GALNT18: variants seen among roughly 807,000 people sequenced by gnomAD.
The protein encoded by GALNT18 is GalNAc-transferase 18.
A neutral mutation model predicts 69.5 loss-of-function variants in GALNT18; 44 were observed. That is an observed-to-expected ratio of 0.63 (90% CI 0.50 to 0.81). GALNT18 has a LOEUF of 0.81. GALNT18 is among the 40% of genes least tolerant of loss of function. The probability of loss-of-function intolerance (pLI) is 0.00; values close to 1 mark genes in which losing one functional copy is unlikely to be tolerated. For synonymous variants in GALNT18, 364 were observed against 318.2 expected, an observed-to-expected ratio of 1.14 and a Z score of -1.53; for missense variants, 715 against 810.0, an observed-to-expected ratio of 0.88 and a Z score of 1.42.
At chr11:11,506,629 G>A (rs1462813322) in intron 1 of GALNT18, among the ~76,000 whole-genome samples, 1 of 152,126 alleles carries the variant, frequency 6.6e-6, no homozygotes, top group African/African-American at 2.4e-5. Context: ...TAGAAAGTGG[G>A]GTATTTGTCT....
At chr11:11,375,457 G>C (rs1012586229) in intron 5 of GALNT18, among the ~76,000 whole-genome samples, 2 of 152,196 alleles carry the variant, frequency 1.3e-5, no homozygotes, top group African/African-American at 4.8e-5. Flanking sequence ...GTCTTCTGCA[G>C]GAATGCTCAT....
chr11:11,304,807 C>T (rs568185948), intron 9 of GALNT18, among the ~76,000 whole-genome samples: 73 of 152,344 alleles, frequency 4.8e-4, no homozygotes, highest in Admixed American at 8.5e-4. Flanking sequence ...CAGGAGCAAT[C>T]ATGTGATACA....
At position 11,584,081 on chromosome 11, in the gene GALNT18, A is replaced by C. The variant is rs1301915428; in HGVS notation, c.235+37278T>G. On this transcript the variant is annotated intron_variant, in intron 1 of 10. Coordinates refer to ENST00000227756, the MANE Select transcript of GALNT18 (RefSeq NM_198516.3). This position sits in a 1 kb window ranked among gnomAD's most constrained non-coding sequence, Gnocchi z 4.1. ...TAAGCTTTGAAAACTGTGGTCAAGC[A>C]GAAAAGAGATAAGAGGACATACGGA... Among the ~76,000 whole-genome samples, 1 of 152,096 alleles carries C rather than the reference A, an allele frequency of 6.6e-6. No individual in the cohort carries two copies. Among genetic ancestry groups the C allele is most frequent in the African/African-American group, 2.4e-5 (1 of 41,424 alleles).
rs1390300163 is a variant in GALNT18 at position 11,454,947 on chromosome 11, CATTAACAG to C, written c.236-6019_236-6012del. Among the ~76,000 whole-genome samples, 1 of 152,206 alleles carries C rather than the reference CATTAACAG, an allele frequency of 6.6e-6. No individual in the cohort carries two copies. ...TCTGTGCAAAGCATGACATTTCTGA[CATTAACAG>C]GCAAACAGGCTGACTCCTTCCTCAT... is the stretch of plus-strand genomic sequence containing the variant. On this transcript the variant is annotated intron_variant, in intron 1 of 10. Transcript: ENST00000227756. The surrounding 1 kb of genome is among the most constrained non-coding windows in gnomAD (Gnocchi z 4.2).
At chr11:11,450,920 G>C (rs1266840585) in intron 1 of GALNT18, among the ~76,000 whole-genome samples, 1 of 152,088 alleles carries the variant, frequency 6.6e-6, no homozygotes, top group South Asian at 2.1e-4. Flanking sequence ...CCAGGCAGTG[G>C]TCCTCCCACT....
intron 3 of GALNT18, among the ~76,000 whole-genome samples, chr11:11,420,981 C>T (rs139527755): frequency 9.2e-5 from 14 of 152,178 alleles, no homozygotes; most frequent in Non-Finnish European, 1.0e-4. Context: ...TTGGCTAGTC[C>T]GTAAAGCAAA....
rs1299763781 is a variant in GALNT18, at chr11:11,613,188, AG to A, written c.235+8170del. 1.3e-5 allele frequency among the ~76,000 whole-genome samples: 2 copies of A among 152,190 alleles called. No individual in the cohort carries two copies. Among genetic ancestry groups the A allele is most frequent in the Non-Finnish European group, 2.9e-5 (2 of 68,040 alleles). ...TAGTCAGAAAAACCACCAAAGCTTA[AG>A]TGTTCATATAACAAGGAATCCTCTT... On this transcript the variant is annotated intron_variant, in intron 1 of 10. Coordinates refer to ENST00000227756, the MANE Select transcript of GALNT18 (RefSeq NM_198516.3). The surrounding 1 kb of genome is among the most constrained non-coding windows in gnomAD (Gnocchi z 4.2).
At chr11:11,441,464 G>A (rs955607124) in intron 2 of GALNT18, among the ~76,000 whole-genome samples, 2 of 152,270 alleles carry the variant, frequency 1.3e-5, no homozygotes, top group Admixed American at 1.3e-4. Context: ...GCTGGGCAGG[G>A]CAAGCTGATA....
At chr11:11,594,123 AT>A (rs1176004584) in intron 1 of GALNT18, among the ~76,000 whole-genome samples, 1 of 152,272 alleles carries the variant, frequency 6.6e-6, no homozygotes, top group African/African-American at 2.4e-5. Flanking sequence ...AAAGCACAGT[AT>A]TTTTTTAGAA....
At chr11:11,398,397 T>C (rs1236144289) in intron 3 of GALNT18, among the ~76,000 whole-genome samples, 1 of 152,204 alleles carries the variant, frequency 6.6e-6, no homozygotes, top group Non-Finnish European at 1.5e-5. Flanking sequence ...AGCAAGCACT[T>C]TCTAAGCACT....
chr11:11,575,821 A>G (rs1214050100), intron 1 of GALNT18, among the ~76,000 whole-genome samples: 1 of 152,262 alleles, frequency 6.6e-6, no homozygotes, highest in Non-Finnish European at 1.5e-5. Flanking sequence ...GACCTCACTG[A>G]TAAGTCATCA....
At position 11,354,922 on chromosome 11, in the gene GALNT18, T is replaced by G. The variant is rs577847402; in HGVS notation, c.1093-13918A>C. Among the ~76,000 whole-genome samples the G allele has an allele frequency of 4.6e-5, 7 of 152,214 alleles. No individual in the cohort carries two copies. In the East Asian group the frequency reaches 1.4e-3, roughly 29 times the overall value. ...TAATTCATCTGTAGCAATGTCTTCT[T>G]CCTCCCTCTCCACATCCAATACATC... is the stretch of plus-strand genomic sequence containing the variant. On this transcript the variant is annotated intron_variant, in intron 6 of 10. Coordinates refer to ENST00000227756, the MANE Select transcript of GALNT18 (RefSeq NM_198516.3).
intron 6 of GALNT18, among the ~76,000 whole-genome samples, chr11:11,367,637 C>A (rs964338930): frequency 1.3e-5 from 2 of 152,156 alleles, no homozygotes; most frequent in African/African-American, 4.8e-5. Context: ...CCTCACCACC[C>A]CCTACTTCTT....
At chr11:11,388,201 T>C (rs1315894822) in intron 3 of GALNT18, among the ~76,000 whole-genome samples, 3 of 152,128 alleles carry the variant, frequency 2.0e-5, no homozygotes, top group African/African-American at 7.2e-5. Flanking sequence ...TAAAGTCTAC[T>C]CTTTGGTGTC....
intron 3 of GALNT18, among the ~76,000 whole-genome samples, chr11:11,417,130 A>G (rs902449297): frequency 4.6e-5 from 7 of 152,212 alleles, no homozygotes; most frequent in African/African-American, 1.2e-4. Context: ...ATCTGAGTCT[A>G]CAACCCAGGG....
intron 1 of GALNT18, among the ~76,000 whole-genome samples, chr11:11,452,916 C>A (rs1273850279): frequency 6.6e-6 from 1 of 152,144 alleles, no homozygotes; most frequent in East Asian, 1.9e-4. Flanking sequence ...CAGGAGGGCC[C>A]ATTCGAGGCA....
chr11:11,393,476 C>A (rs1854244296), intron 3 of GALNT18, among the ~76,000 whole-genome samples: 1 of 152,272 alleles, frequency 6.6e-6, no homozygotes, highest in South Asian at 2.1e-4. Context: ...AAGGCATGCC[C>A]TTGTCAGCTT....
Position 11,613,917 on chromosome 11 carries a change from A to T in GALNT18, c.235+7442T>A, listed in dbSNP as rs184565603. Among the ~76,000 whole-genome samples the T allele has an allele frequency of 8.5e-5, 13 of 152,198 alleles. No individual in the cohort carries two copies. The highest frequency in any genetic ancestry group is 6.5e-4 in the Admixed American group (10 of 15,292). On this transcript the variant is annotated intron_variant, in intron 1 of 10. Transcript: ENST00000227756. This position sits in a 1 kb window ranked among gnomAD's most constrained non-coding sequence, Gnocchi z 4.2. The stretch of plus-strand genomic sequence containing the variant: ...GCCCACCATGCTGCCTTCTGGTTAC[A>T]TTTATCACTCACATTCAGCCGGGTT...
At chr11:11,512,361 G>A (rs1857182728) in intron 1 of GALNT18, among the ~76,000 whole-genome samples, 1 of 152,248 alleles carries the variant, frequency 6.6e-6, no homozygotes, top group South Asian at 2.1e-4. Context: ...CAGGAGGACA[G>A]ACTGTTTTTC....
Sources: allele counts gnomAD v4.1 joint callset (sites outside exome capture counted in the v4.1 genomes callset), GRCh38; gene constraint gnomAD v4.1.1; non-coding constraint Gnocchi (gnomAD v3.1); transcripts MANE v1.5; gene names NCBI Gene and HGNC (gene_info 2026-07-23, HGNC 2026-07-21).